The following FBXW7 variants were observed in gnomAD, a reference collection of about 807,000 sequenced individuals.
FBXW7 encodes F-box and WD repeat domain containing 7, also known as F-box/WD repeat-containing protein 7.
A neutral mutation model predicts 86.3 loss-of-function variants in FBXW7; 11 were observed. The ratio of observed to expected loss-of-function variants is 0.13; its 90% CI spans 0.08 to 0.21. The LOEUF is 0.21. Ranked by LOEUF, FBXW7 falls within the 10% of genes least tolerant of loss-of-function variation. The pLI, the probability that FBXW7 is intolerant of heterozygous loss-of-function variation, is 1.00. For synonymous variants in FBXW7, 313 were observed against 297.9 expected (o/e 1.05, Z -0.52); for missense variants, 488 against 847.4 (o/e 0.58, Z 5.27).
intron 4 of FBXW7, among the ~76,000 whole-genome samples, chr4:152,409,486 C>CT (rs1291800567): frequency 2.0e-4 from 31 of 152,000 alleles, no homozygotes; most frequent in Admixed American, 1.9e-3. Context: ...TACTCAGTGA[C>CT]TTTTTTTAAT....
intron 2 of FBXW7, among the ~76,000 whole-genome samples, chr4:152,443,124 T>C (rs892742191): frequency 1.3e-5 from 2 of 151,842 alleles, no homozygotes; most frequent in African/African-American, 2.4e-5. Flanking sequence ...TAGCCGGGCG[T>C]GGTGGTGCAT....
intron 2 of FBXW7, among the ~76,000 whole-genome samples, chr4:152,523,543 G>A (rs1749204566): frequency 1.3e-5 from 2 of 152,146 alleles, no homozygotes; most frequent in Non-Finnish European, 2.9e-5. Flanking sequence ...AAGTTTTGGG[G>A]ACTGAAAGTT....
chr4:152,391,323 T>C (rs1735978253), intron 4 of FBXW7, among the ~76,000 whole-genome samples: 1 of 151,762 alleles, frequency 6.6e-6, no homozygotes. Context: ...TATTACATAC[T>C]CAAAAAAATA....
At chr4:152,441,008 A>G (rs943164903) in intron 2 of FBXW7, among the ~76,000 whole-genome samples, 3 of 152,112 alleles carry the variant, frequency 2.0e-5, no homozygotes, top group South Asian at 4.1e-4. Flanking sequence ...AAGCGGCAAT[A>G]TATCTTTCTT....
rs936075666 is a variant in FBXW7, at chr4:152,411,426, A to T, written c.378T>A (p.Asp126Glu). 1 of 1,613,524 alleles carries T rather than the reference A, an allele frequency of 6.2e-7. No individual in the cohort carries two copies. The highest frequency in any genetic ancestry group is 8.5e-7 in the Non-Finnish European group (1 of 1,179,846). ...EEMDQESDDF[D>E]QSDDSSREDE... ...CTTCTCTGCTACTATCATCAGACTG[A>T]TCAAAATCGTCACTCTCCTGGTCCA... The change falls in exon 4 of 14, where the codon GAT (aspartate) becomes GAA (glutamate). Residue 126 changes from aspartate to glutamate, a missense_variant. Physicochemically the swap from Asp to Glu is conservative, Grantham distance 45. Transcript: ENST00000281708.
intron 4 of FBXW7, among the ~76,000 whole-genome samples, chr4:152,364,255 C>T (rs1430070953): frequency 6.6e-6 from 1 of 152,130 alleles, no homozygotes; most frequent in Non-Finnish European, 1.5e-5. Flanking sequence ...GTTTTGCTTC[C>T]TTTTCCCAAA....
intron 4 of FBXW7, among the ~76,000 whole-genome samples, chr4:152,406,473 C>A: frequency 6.6e-6 from 1 of 152,052 alleles, no homozygotes; most frequent in Admixed American, 6.6e-5. Flanking sequence ...TACAGTTTAT[C>A]ACCAACATTT....
At chr4:152,518,571 A>C (rs1748719992) in intron 2 of FBXW7, among the ~76,000 whole-genome samples, 1 of 152,258 alleles carries the variant, frequency 6.6e-6, no homozygotes, top group South Asian at 2.1e-4. Context: ...AACTGGGATT[A>C]TAGGCATAAG....
chr4:152,414,660 T>C (rs1738271341), intron 2 of FBXW7, among the ~76,000 whole-genome samples: 1 of 152,120 alleles, frequency 6.6e-6, no homozygotes, highest in African/African-American at 2.4e-5. Flanking sequence ...GGACTTTGCA[T>C]AAAATAATGG....
chr4:152,530,050 C>T (rs866258999), intron 2 of FBXW7, among the ~76,000 whole-genome samples: 11 of 137,330 alleles, frequency 8.0e-5, no homozygotes, highest in Middle Eastern at 7.6e-3. Context: ...AATGAGACCC[C>T]GTCACAAAAA....
intron 2 of FBXW7, among the ~76,000 whole-genome samples, chr4:152,447,020 T>C (rs956549660): frequency 1.3e-5 from 2 of 152,164 alleles, no homozygotes; most frequent in African/African-American, 4.8e-5. Flanking sequence ...TTATTTTCAA[T>C]TTTCCATAAT....
At chr4:152,386,522 A>G (rs1735541128) in intron 4 of FBXW7, among the ~76,000 whole-genome samples, 1 of 152,156 alleles carries the variant, frequency 6.6e-6, no homozygotes, top group Admixed American at 6.5e-5. Flanking sequence ...TTCCAATTTT[A>G]AAATCACCAG....
chr4:152,372,239 A>G (rs1331069718), intron 4 of FBXW7, among the ~76,000 whole-genome samples: 1 of 151,956 alleles, frequency 6.6e-6, no homozygotes, highest in African/African-American at 2.4e-5. Flanking sequence ...TTTAATATGC[A>G]TGTACTCAGA....
At chr4:152,426,863 AG>A (rs1739434392) in intron 2 of FBXW7, among the ~76,000 whole-genome samples, 1 of 152,252 alleles carries the variant, frequency 6.6e-6, no homozygotes, top group South Asian at 2.1e-4. Context: ...ATAGAGACGA[AG>A]GAAAGAGAAG....
At chr4:152,423,406 G>A (rs1412967090) in intron 2 of FBXW7, among the ~76,000 whole-genome samples, 1 of 152,038 alleles carries the variant, frequency 6.6e-6, no homozygotes, top group Admixed American at 6.6e-5. Flanking sequence ...TAAAAACTTT[G>A]TAAATTTTTA....
chr4:152,525,337 G>A lies in FBXW7; in HGVS notation c.-120+9604C>T, dbSNP rs766686375. On this transcript the variant is annotated intron_variant, in intron 2 of 13. Transcript: ENST00000281708. Reference sequence around the variant, plus strand: ...TTTTTAAACTTTTATTTTAGGTTTCGGGGTACATGTAAAGGTTTCATAGGT... The same window carrying A: ...TTTTTAAACTTTTATTTTAGGTTTCAGGGTACATGTAAAGGTTTCATAGGT... 3.3e-5 allele frequency among the ~76,000 whole-genome samples: 5 copies of A among 152,002 alleles called. No individual in the cohort carries two copies. In the East Asian group the frequency reaches 5.8e-4, roughly 18 times the overall value.
At chr4:152,368,751 A>T (rs1453757333) in intron 4 of FBXW7, among the ~76,000 whole-genome samples, 1 of 152,098 alleles carries the variant, frequency 6.6e-6, no homozygotes, top group East Asian at 1.9e-4. Context: ...AATCAATAAC[A>T]TGTATTTTTA....
intron 4 of FBXW7, among the ~76,000 whole-genome samples, chr4:152,388,240 C>T (rs1735713536): frequency 6.6e-6 from 1 of 152,098 alleles, no homozygotes; most frequent in African/African-American, 2.4e-5. Flanking sequence ...CAACATACTG[C>T]ACTTCCCTGC....
intron 2 of FBXW7, among the ~76,000 whole-genome samples, chr4:152,462,128 T>C (rs1042876010): frequency 1.3e-5 from 2 of 152,226 alleles, no homozygotes; most frequent in African/African-American, 4.8e-5. Context: ...GCATCCCCTC[T>C]GCACCTGGGT....
Sources: allele counts gnomAD v4.1 joint callset (sites outside exome capture counted in the v4.1 genomes callset), GRCh38; gene constraint gnomAD v4.1.1; transcripts MANE v1.5; gene names NCBI Gene and HGNC (gene_info 2026-07-23, HGNC 2026-07-21).